MEI1: variants seen among roughly 807,000 people sequenced by gnomAD.
MEI1 encodes the protein meiotic double-stranded break formation protein 1.
Under a neutral mutation model 146.2 loss-of-function variants are expected in MEI1, and 103 were observed. The ratio of observed to expected loss-of-function variants is 0.70; its 90% CI spans 0.60 to 0.83. MEI1 has a LOEUF of 0.83. Ranked by LOEUF, MEI1 falls within the 40% of genes least tolerant of loss-of-function variation. The probability of loss-of-function intolerance (pLI) is 0.00; values close to 1 mark genes in which losing one functional copy is unlikely to be tolerated. For missense variants in MEI1, 1,529 were observed against 1,533.0 expected, an observed-to-expected ratio of 1.00 and a Z score of 0.04; for synonymous variants, 652 against 628.2, an observed-to-expected ratio of 1.04 and a Z score of -0.57.
At chr22:41,721,106 G>T (rs1345485092) in intron 6 of MEI1, among the ~76,000 whole-genome samples, 1 of 150,658 alleles carries the variant, frequency 6.6e-6, no homozygotes, top group Non-Finnish European at 1.5e-5. Context: ...GTAGAGATGG[G>T]GTTTCACCAT....
chr22:41,742,971 A>AT (rs1422537603), intron 11 of MEI1, 109 bp from the exon 12 acceptor site: 19 of 720,628 alleles, frequency 2.6e-5, no homozygotes, highest in Non-Finnish European at 4.4e-5. Flanking sequence ...ATCAGATTAG[A>AT]TTCCATGTTC....
chr22:41,714,409 C>A (rs2069899742), intron 4 of MEI1, among the ~76,000 whole-genome samples: 1 of 152,092 alleles, frequency 6.6e-6, no homozygotes, highest in African/African-American at 2.4e-5. Flanking sequence ...GAAATATGTT[C>A]TCTATGTCTT....
chr22:41,786,290 C>G (rs938373870), intron 26 of MEI1, among the ~76,000 whole-genome samples: 52 of 152,212 alleles, frequency 3.4e-4, no homozygotes, highest in Admixed American at 3.3e-3. Flanking sequence ...AAGTGATCCT[C>G]TTACCTTGGC....
chr22:41,753,732 G>T, intron 16 of MEI1: 2 of 435,558 alleles, frequency 4.6e-6, no homozygotes, highest in Admixed American at 7.2e-5. Flanking sequence ...ACCAGCCTCA[G>T]CCTCCCAAAG....
At chr22:41,720,648 T>G (rs1006200909) in intron 6 of MEI1, among the ~76,000 whole-genome samples, 10 of 149,044 alleles carry the variant, frequency 6.7e-5, no homozygotes, top group Non-Finnish European at 1.0e-4. Flanking sequence ...CAGGCTGGAG[T>G]GCAGTGGGCG....
Position 41,724,072 on chromosome 22 carries a change from A to G in MEI1, c.863A>G (p.Lys288Arg). ...ACCTCACTGCCTTTGGTGCTCAAAA[A>G]GGTAGTTGTCTTGTGATTCCTGGTC... ...GNTSLPLVLK[K>R]LLLSRDETLQ... is the part of the protein sequence containing the mutation. Residue 288 changes from lysine (K) to arginine (R), a missense_variant and splice_region_variant, in exon 7 of 31, where the codon AAG becomes AGG. Physicochemically the swap from Lys to Arg is conservative, Grantham distance 26. Coordinates refer to ENST00000401548, the MANE Select transcript of MEI1 (RefSeq NM_152513.4). 6.2e-7 allele frequency: 1 copy of G among 1,613,916 alleles called. No individual in the cohort carries two copies. Among genetic ancestry groups the G allele is most frequent in the South Asian group, 1.1e-5 (1 of 91,056 alleles).
chr22:41,769,910 A>G (rs919660089), intron 19 of MEI1, among the ~76,000 whole-genome samples: 1 of 151,622 alleles, frequency 6.6e-6, no homozygotes, highest in African/African-American at 2.4e-5. Context: ...CAAGGCGGGC[A>G]GATCACCTGA....
intron 14 of MEI1, chr22:41,747,440 A>C (rs1331478652): frequency 6.6e-6 from 1 of 152,262 alleles, no homozygotes; most frequent in African/African-American, 2.4e-5. Context: ...GCGGTGGCTC[A>C]CACCTGTAAT....
chr22:41,765,205 G>C (rs1320931285), intron 19 of MEI1, among the ~76,000 whole-genome samples: 1 of 152,134 alleles, frequency 6.6e-6, no homozygotes, highest in Non-Finnish European at 1.5e-5. Flanking sequence ...TAGTAGAGAC[G>C]GGTTTTCAAC....
chr22:41,763,516 T>C (rs1190243866), intron 19 of MEI1, among the ~76,000 whole-genome samples, 195 bp downstream of exon 19: 1 of 68,652 alleles, frequency 1.5e-5, no homozygotes, highest in East Asian at 6.0e-4. Context: ...ATCTCAGCCT[T>C]CCTGGGAGGA....
chr22:41,765,751 A>G (rs1226651491), intron 19 of MEI1, among the ~76,000 whole-genome samples: 1 of 151,908 alleles, frequency 6.6e-6, no homozygotes, highest in African/African-American at 2.4e-5. Flanking sequence ...TTCAATTTGT[A>G]TTTCCTAAGA....
At chr22:41,762,768 G>A (rs1054401945) in intron 18 of MEI1, among the ~76,000 whole-genome samples, 3 of 150,800 alleles carry the variant, frequency 2.0e-5, no homozygotes, top group African/African-American at 7.3e-5. Flanking sequence ...TTTTTCTTTT[G>A]TCATTTATGC....
At chr22:41,728,847 T>G in intron 7 of MEI1, among the ~76,000 whole-genome samples, 3 of 143,502 alleles carry the variant, frequency 2.1e-5, no homozygotes, top group East Asian at 2.1e-4. Context: ...GGTGATAAAG[T>G]GAGACCCTGT....
chr22:41,700,098 C>T (rs73161351), intron 1 of MEI1, among the ~76,000 whole-genome samples: 2,480 of 152,276 alleles, frequency 0.016, 48 homozygotes, highest in Admixed American at 0.059. Flanking sequence ...ATTTCAGCCT[C>T]CCGCCATTTC....
At chr22:41,789,070 T>C (rs942750425) in intron 26 of MEI1, among the ~76,000 whole-genome samples, 2 of 152,128 alleles carry the variant, frequency 1.3e-5, no homozygotes, top group African/African-American at 4.8e-5. Flanking sequence ...TCTCAGCACT[T>C]TGGGAGCCAA....
intron 19 of MEI1, among the ~76,000 whole-genome samples, chr22:41,769,990 C>T (rs962131082): frequency 1.1e-4 from 17 of 151,374 alleles, no homozygotes; most frequent in African/African-American, 4.1e-4. Flanking sequence ...CAAAATTAGC[C>T]GGGCATGGTG....
Position 41,758,373 on chromosome 22 carries a change from GC to G in MEI1, c.1961del (p.Ala654GlufsTer13). 6.2e-7 allele frequency: 1 copy of G among 1,612,954 alleles called. No individual in the cohort carries two copies. The highest frequency in any genetic ancestry group is 1.1e-5 in the South Asian group (1 of 91,066). On this transcript the variant is annotated frameshift_variant, in exon 18 of 31. Transcript: ENST00000401548. LOFTEE classifies it high-confidence loss of function. ...ACTTATTCCCTCCCTAGAACTCTCT[GC>G]AGTGTCTGAGCTCCTGCAGCATGGG... ...TGPPSKEELS[A>X]VSELLQHGLP...
chr22:41,770,642 C>T lies in MEI1; in HGVS notation c.2269-44C>T, dbSNP rs376529038. The T allele has an allele frequency of 9.5e-6, 15 of 1,574,962 alleles. No individual in the cohort carries two copies. In the African/African-American group the frequency reaches 1.9e-4, roughly 20 times the overall value. ...TTGGCCATGTTGGGGTCTCTTGGGT[C>T]CTCTGCAAGGTGTATTTACCTCCTT... On this transcript the variant is annotated intron_variant, in intron 19 of 30. Coordinates refer to ENST00000401548, the MANE Select transcript of MEI1 (RefSeq NM_152513.4).
chr22:41,763,437 C>A, intron 19 of MEI1, 116 bp downstream of exon 19: 1 of 1,199,498 alleles, frequency 8.3e-7, no homozygotes, highest in Non-Finnish European at 1.2e-6. Context: ...AGAGACAAAG[C>A]GGAGGTGTTA....
Sources: gnomAD v4.1 joint callset for allele counts (sites outside exome capture counted in the v4.1 genomes callset) on GRCh38, gnomAD v4.1.1 for gene constraint, MANE v1.5 for transcripts, NCBI Gene and HGNC (gene_info 2026-07-23, HGNC 2026-07-21) for gene names.